RHEX: variants seen among roughly 807,000 people sequenced by gnomAD.
RHEX encodes the protein regulator of hemoglobinization and erythroid cell expansion, also known as regulator of hemoglobinization and erythroid cell expansion protein.
A neutral mutation model predicts 20.1 loss-of-function variants in RHEX; 18 were observed. The ratio of observed to expected loss-of-function variants is 0.90; its 90% CI spans 0.62 to 1.33. The LOEUF (loss-of-function observed/expected upper bound fraction) is 1.33, where lower values mean the gene tolerates loss of function less well. Ranked by LOEUF, RHEX falls within the 40% of genes most tolerant of loss-of-function variation. RHEX has a pLI of 0.00. For synonymous variants in RHEX, 87 were observed against 77.1 expected (o/e 1.13, Z -0.67); for missense variants, 192 against 214.3 (o/e 0.90, Z 0.65).
intron 1 of RHEX, among the ~76,000 whole-genome samples, chr1:206,059,890 C>G (rs1257312145): frequency 6.6e-6 from 1 of 152,188 alleles, no homozygotes; most frequent in African/African-American, 2.4e-5. Context: ...CCACCTCTTC[C>G]TAGCCGTAGC....
intron 1 of RHEX, among the ~76,000 whole-genome samples, chr1:206,087,648 T>G (rs1553286543): frequency 6.6e-6 from 1 of 152,232 alleles, no homozygotes; most frequent in Non-Finnish European, 1.5e-5. Context: ...TGATTGAAAT[T>G]CAGACATTTA....
intron 1 of RHEX, 139 bp downstream of exon 1, chr1:206,053,404 T>C (rs1553282074): frequency 6.5e-6 from 1 of 153,306 alleles, no homozygotes; most frequent in East Asian, 1.9e-4. Flanking sequence ...TTGGTTTTGG[T>C]TTTGACCTGG....
intron 4 of RHEX, among the ~76,000 whole-genome samples, chr1:206,100,730 A>C (rs1353179486): frequency 2.6e-5 from 4 of 152,184 alleles, no homozygotes; most frequent in African/African-American, 9.7e-5. Context: ...TTTGGACTAG[A>C]AGGTGTAACT....
intron 1 of RHEX, among the ~76,000 whole-genome samples, chr1:206,074,881 A>AT (rs1405530227): frequency 6.6e-6 from 1 of 152,092 alleles, no homozygotes; most frequent in South Asian, 2.1e-4. Context: ...TAGGTGATGT[A>AT]TTTTTTCTGC....
chr1:206,061,363 T>C (rs1234430147), intron 1 of RHEX: 2 of 152,182 alleles, frequency 1.3e-5, no homozygotes, highest in Non-Finnish European at 2.9e-5. Flanking sequence ...AAGAAACAAC[T>C]GAGGCATCAG....
Position 206,056,979 on chromosome 1 carries a change from T to C in RHEX, c.-97+3714T>C, listed in dbSNP as rs149522201. Reference sequence around the variant, plus strand: ...GAGTGGGAGCTGCAACCTTTTAGAATTGATAATCACAAACCCCTCAGACCC... The same window carrying C: ...GAGTGGGAGCTGCAACCTTTTAGAACTGATAATCACAAACCCCTCAGACCC... On this transcript the variant is annotated intron_variant, in intron 1 of 5. Transcript: ENST00000331555. Among the ~76,000 whole-genome samples, 363 of 152,356 alleles carry C rather than the reference T, an allele frequency of 2.4e-3. 2 individuals carry two copies. Among genetic ancestry groups the C allele is most frequent in the South Asian group, 8.7e-3 (42 of 4,832 alleles).
chr1:206,087,219 A>G (rs1379948520), intron 1 of RHEX, among the ~76,000 whole-genome samples: 1 of 152,174 alleles, frequency 6.6e-6, no homozygotes, highest in Non-Finnish European at 1.5e-5. Flanking sequence ...ACATTATGCT[A>G]TTTACATGTG....
intron 1 of RHEX, among the ~76,000 whole-genome samples, chr1:206,094,675 T>C (rs1553287464): frequency 6.6e-6 from 1 of 152,168 alleles, no homozygotes; most frequent in African/African-American, 2.4e-5. Context: ...ATGTTGGACG[T>C]CCGTATTATT....
chr1:206,074,647 T>A (rs1232387191), intron 1 of RHEX, among the ~76,000 whole-genome samples: 2 of 151,796 alleles, frequency 1.3e-5, no homozygotes, highest in Non-Finnish European at 2.9e-5. Flanking sequence ...CACTCAGGAG[T>A]CATCCCCCAT....
chr1:206,076,500 T>C (rs1662639677), intron 1 of RHEX, among the ~76,000 whole-genome samples: 1 of 152,230 alleles, frequency 6.6e-6, no homozygotes, highest in Non-Finnish European at 1.5e-5. Context: ...TCATAAACCT[T>C]TTGTACCAGA....
chr1:206,071,247 C>T (rs781814307), intron 1 of RHEX, among the ~76,000 whole-genome samples: 11 of 152,106 alleles, frequency 7.2e-5, no homozygotes, highest in East Asian at 1.9e-4. Context: ...GAATCCAGCA[C>T]GAGAGAAAGA....
chr1:206,066,626 A>G (rs782752900), intron 1 of RHEX, among the ~76,000 whole-genome samples: 169 of 151,300 alleles, frequency 1.1e-3, no homozygotes, highest in Non-Finnish European at 2.2e-3. Flanking sequence ...TCAAAAAAAA[A>G]GAGTTACAAC....
intron 1 of RHEX, among the ~76,000 whole-genome samples, chr1:206,082,214 A>G (rs1422388432): frequency 1.3e-5 from 2 of 152,138 alleles, no homozygotes; most frequent in Non-Finnish European, 2.9e-5. Flanking sequence ...ACTTGCATTT[A>G]GAGAATAAAA....
intron 1 of RHEX, among the ~76,000 whole-genome samples, chr1:206,094,121 G>A (rs1486254088): frequency 6.6e-6 from 1 of 151,908 alleles, no homozygotes; most frequent in Non-Finnish European, 1.5e-5. Context: ...CAGTCCATGC[G>A]CTTTTTCACA....
chr1:206,092,068 C>CTCTT lies in RHEX; in HGVS notation c.-96-5662_-96-5661insTTCT, dbSNP rs1445836381. Among the ~76,000 whole-genome samples the CTCTT allele has an allele frequency of 1.6e-3, 247 of 150,640 alleles. 2 individuals are homozygous for CTCTT. Among genetic ancestry groups the CTCTT allele is most frequent in the African/African-American group, 5.8e-3 (237 of 40,620 alleles). ...TCTCTCTTTCTCTCTCTCTCTTTCT[C>CTCTT]TCTCTTTCTTTCTTTCTTTTCTTTC... On this transcript the variant is annotated intron_variant, in intron 1 of 5. Coordinates refer to ENST00000331555, the MANE Select transcript of RHEX (RefSeq NM_001007544.4).
intron 1 of RHEX, among the ~76,000 whole-genome samples, chr1:206,091,492 A>G (rs1312717153): frequency 6.6e-6 from 1 of 152,210 alleles, no homozygotes; most frequent in African/African-American, 2.4e-5. Flanking sequence ...AACTTCAAAA[A>G]TCAGTAATAA....
At chr1:206,066,132 T>C (rs190733472) in intron 1 of RHEX, among the ~76,000 whole-genome samples, 1 of 152,364 alleles carries the variant, frequency 6.6e-6, no homozygotes, top group Admixed American at 6.5e-5. Flanking sequence ...GCATATTCCA[T>C]GGAGAATCCC....
Position 206,101,851 on chromosome 1 carries a change from GA to G in RHEX, c.419del (p.Asp140ValfsTer53), listed in dbSNP as rs1418642094. ...CTATGAGAACATAAAGGAAATCACA[GA>G]TTATGTCAATGTCAATCCAGAAAGA... ...LDYENIKEIT[D>X]YVNVNPERHK... is the part of the protein sequence containing the mutation. On this transcript the variant is annotated frameshift_variant, in exon 6 of 6. Transcript: ENST00000331555. LOFTEE classifies it high-confidence loss of function. The G allele has an allele frequency of 5.0e-6, 8 of 1,613,784 alleles. No homozygotes were observed. The highest frequency in any genetic ancestry group is 6.8e-6 in the Non-Finnish European group (8 of 1,179,854).
chr1:206,097,865 G>A (rs1216660899), intron 2 of RHEX, 26 bp downstream of exon 2: 18 of 1,519,012 alleles, frequency 1.2e-5, no homozygotes, highest in African/African-American at 5.5e-5. Flanking sequence ...AAGAGCAGGA[G>A]CAAGGTTCCC....
Sources: allele counts gnomAD v4.1 joint callset (sites outside exome capture counted in the v4.1 genomes callset), GRCh38; gene constraint gnomAD v4.1.1; transcripts MANE v1.5; gene names NCBI Gene and HGNC (gene_info 2026-07-23, HGNC 2026-07-21).